The following ERGIC1 variants were observed in gnomAD, a reference collection of about 807,000 sequenced individuals.
ERGIC1 encodes endoplasmic reticulum-golgi intermediate compartment 1, also known as endoplasmic reticulum-Golgi intermediate compartment protein 1.
In ERGIC1, 19 loss-of-function variants were observed where a neutral mutation model predicts 38.3. That is an observed-to-expected ratio of 0.50 (90% CI 0.35 to 0.73). The LOEUF is 0.73. Ranked by LOEUF, ERGIC1 falls within the 30% of genes least tolerant of loss-of-function variation. The pLI is 0.01. For synonymous variants in ERGIC1, 124 were observed against 157.6 expected, an observed-to-expected ratio of 0.79 and a Z score of 1.60; for missense variants, 294 against 389.2, an observed-to-expected ratio of 0.76 and a Z score of 2.06.
At chr5:172,860,262 G>C (rs1216007225) in intron 1 of ERGIC1, among the ~76,000 whole-genome samples, 2 of 152,212 alleles carry the variant, frequency 1.3e-5, no homozygotes, top group African/African-American at 4.8e-5. Context: ...GGCGTGGAGA[G>C]GTATGGCAAC....
chr5:172,883,147 T>G (rs1480178136), intron 1 of ERGIC1, among the ~76,000 whole-genome samples: 1 of 152,236 alleles, frequency 6.6e-6, no homozygotes, highest in Non-Finnish European at 1.5e-5. Flanking sequence ...GAAATACTTT[T>G]TTAACTTTTT....
intron 4 of ERGIC1, 74 bp downstream of exon 4, chr5:172,909,835 A>G (rs1211769788): frequency 5.9e-6 from 8 of 1,356,916 alleles, no homozygotes; most frequent in Non-Finnish European, 6.3e-6. Context: ...AGAAATGGCA[A>G]GATCTCCAGG....
chr5:172,891,670 C>T (rs1762563601), intron 2 of ERGIC1, among the ~76,000 whole-genome samples: 1 of 152,136 alleles, frequency 6.6e-6, no homozygotes, highest in African/African-American at 2.4e-5. Flanking sequence ...GAACTCCTGA[C>T]CTCAAGTGAT....
intron 4 of ERGIC1, among the ~76,000 whole-genome samples, chr5:172,910,778 G>C (rs917642508): frequency 6.6e-6 from 1 of 152,084 alleles, no homozygotes; most frequent in African/African-American, 2.4e-5. Context: ...ACCCACCTCA[G>C]CCTCCCAAAG....
chr5:172,943,002 T>A (rs1450885797), intron 9 of ERGIC1, among the ~76,000 whole-genome samples: 1 of 152,156 alleles, frequency 6.6e-6, no homozygotes, highest in Non-Finnish European at 1.5e-5. Flanking sequence ...GCAGGTGGGC[T>A]AACAGAAAAA....
At chr5:172,919,145 C>T (rs958166426) in intron 5 of ERGIC1, among the ~76,000 whole-genome samples, 3 of 152,150 alleles carry the variant, frequency 2.0e-5, no homozygotes, top group South Asian at 4.1e-4. Flanking sequence ...AGCCAGTGCT[C>T]AGGTAAACAG....
intron 9 of ERGIC1, among the ~76,000 whole-genome samples, chr5:172,947,912 G>GTA (rs1287144217): frequency 1.4e-5 from 2 of 144,556 alleles, no homozygotes; most frequent in Admixed American, 6.9e-5. Context: ...GTGTGTGTGT[G>GTA]GTTATTTTTT....
chr5:172,926,541 CG>C lies in ERGIC1; in HGVS notation c.518del (p.Gly173GlufsTer17). On this transcript the variant is annotated frameshift_variant, in exon 7 of 10. Coordinates refer to ENST00000393784, the MANE Select transcript of ERGIC1 (RefSeq NM_001031711.3). LOFTEE classifies it high-confidence loss of function. The surrounding 1 kb of genome is among the most constrained non-coding windows in gnomAD (Gnocchi z 5.2). ...QNIHGAFNAL[G>X]GADRLTSNPL... ...ACATCCACGGAGCTTTCAATGCTCTCGGGGGAGCAGACAGACTCACCTCCAA... is the reference window on the plus strand; with the variant it reads ...ACATCCACGGAGCTTTCAATGCTCTCGGGGAGCAGACAGACTCACCTCCAA... The C allele has an allele frequency of 6.2e-7, 1 of 1,613,302 alleles. No homozygotes were observed.
At chr5:172,909,327 A>G (rs1763147719) in intron 3 of ERGIC1, among the ~76,000 whole-genome samples, 1 of 151,844 alleles carries the variant, frequency 6.6e-6, no homozygotes, top group African/African-American at 2.4e-5. Flanking sequence ...CGCCCAGCTA[A>G]TTTTGTATTT....
intron 1 of ERGIC1, among the ~76,000 whole-genome samples, chr5:172,835,019 G>A (rs1052066765): frequency 1.3e-5 from 2 of 152,254 alleles, no homozygotes; most frequent in African/African-American, 2.4e-5. Context: ...AGGGGAGGAG[G>A]CGCCTTGGGC....
chr5:172,902,579 C>G (rs1346547021), intron 3 of ERGIC1, among the ~76,000 whole-genome samples: 2 of 152,104 alleles, frequency 1.3e-5, no homozygotes, highest in Non-Finnish European at 2.9e-5. Context: ...TCAGAGGGGC[C>G]GAGGGTGCTG....
At chr5:172,923,546 C>T (rs1034584298) in intron 5 of ERGIC1, among the ~76,000 whole-genome samples, 1 of 152,186 alleles carries the variant, frequency 6.6e-6, no homozygotes, top group African/African-American at 2.4e-5. Context: ...ACAGTCTGTC[C>T]ATCAGGGATC....
chr5:172,904,638 G>A (rs531085892), intron 3 of ERGIC1, among the ~76,000 whole-genome samples: 3 of 152,330 alleles, frequency 2.0e-5, no homozygotes, highest in South Asian at 4.1e-4. Flanking sequence ...CTGGCAGCCC[G>A]TTGGCCTTTT....
At chr5:172,910,717 G>T (rs1763184675) in intron 4 of ERGIC1, among the ~76,000 whole-genome samples, 1 of 151,960 alleles carries the variant, frequency 6.6e-6, no homozygotes, top group Non-Finnish European at 1.5e-5. Flanking sequence ...TAGAGACGGG[G>T]TTTCACCATG....
intron 1 of ERGIC1, among the ~76,000 whole-genome samples, chr5:172,844,153 C>G (rs1302919592): frequency 6.6e-6 from 1 of 152,182 alleles, no homozygotes; most frequent in East Asian, 1.9e-4. Context: ...CTTTGTGGTA[C>G]CCACACAGCC....
intron 1 of ERGIC1, among the ~76,000 whole-genome samples, chr5:172,883,636 A>G (rs1762338182): frequency 6.6e-6 from 1 of 152,224 alleles, no homozygotes; most frequent in Admixed American, 6.5e-5. Flanking sequence ...CAGGAGGCAC[A>G]GGGTGCCGAT....
intron 3 of ERGIC1, among the ~76,000 whole-genome samples, chr5:172,902,073 G>A (rs1762896311): frequency 1.3e-5 from 2 of 152,228 alleles, no homozygotes; most frequent in Admixed American, 6.5e-5. Context: ...CTGAAGCCCA[G>A]GCTCAGCACC....
Position 172,842,545 on chromosome 5 carries a change from C to T in ERGIC1, c.20+8112C>T, listed in dbSNP as rs77274458. On this transcript the variant is annotated intron_variant, in intron 1 of 9. Coordinates refer to ENST00000393784, the MANE Select transcript of ERGIC1 (RefSeq NM_001031711.3). The stretch of plus-strand genomic sequence containing the variant: ...TTGGATAAATACCCCAAAGTGGGAC[C>T]GCTGGATCCTATGGTAGCTCTATTT... Among the ~76,000 whole-genome samples, 158 of 152,212 alleles carry T rather than the reference C, an allele frequency of 1.0e-3. 5 individuals are homozygous for T. The East Asian group carries it at 0.028, about 27-fold the overall frequency.
chr5:172,896,331 T>C (rs1480824271), intron 2 of ERGIC1, among the ~76,000 whole-genome samples: 1 of 152,102 alleles, frequency 6.6e-6, no homozygotes, highest in Non-Finnish European at 1.5e-5. Flanking sequence ...CAACAGAGTC[T>C]CAAAAGTAAA....
Sources: gnomAD v4.1 joint callset for allele counts (sites outside exome capture counted in the v4.1 genomes callset) on GRCh38, gnomAD v4.1.1 for gene constraint, Gnocchi (gnomAD v3.1) non-coding constraint, MANE v1.5 for transcripts, NCBI Gene and HGNC (gene_info 2026-07-23, HGNC 2026-07-21) for gene names.